The following VRK3 variants were observed in gnomAD, a reference collection of about 807,000 sequenced individuals.
The protein encoded by VRK3 is VRK serine/threonine kinase 3, also known as serine/threonine-protein kinase VRK3.
A neutral mutation model predicts 60.4 loss-of-function variants in VRK3; 50 were observed. That is an observed-to-expected ratio of 0.83 (90% CI 0.66 to 1.05). The LOEUF (loss-of-function observed/expected upper bound fraction) is 1.05, where lower values mean the gene tolerates loss of function less well. VRK3 is among the 50% of genes least tolerant of loss of function. The probability of loss-of-function intolerance (pLI) is 0.00; values close to 1 mark genes in which losing one functional copy is unlikely to be tolerated. For missense variants in VRK3, 549 were observed against 585.3 expected, an observed-to-expected ratio of 0.94 and a Z score of 0.64; for synonymous variants, 246 against 227.8, an observed-to-expected ratio of 1.08 and a Z score of -0.72.
intron 8 of VRK3, 86 bp downstream of exon 8, chr19:49,995,105 G>A: frequency 2.0e-6 from 3 of 1,469,706 alleles, no homozygotes; most frequent in Non-Finnish European, 2.8e-6. Flanking sequence ...CTGGCCCACG[G>A]CTTCGGGGTC....
intron 5 of VRK3, among the ~76,000 whole-genome samples, chr19:50,002,618 G>A (rs1395848095): frequency 6.6e-6 from 1 of 152,224 alleles, no homozygotes; most frequent in Non-Finnish European, 1.5e-5. Flanking sequence ...ATTATAAAAA[G>A]CTTTTCTCTT....
chr19:50,016,085 C>G lies in VRK3; in HGVS notation c.78G>C (p.Leu26Phe). The change falls in exon 3 of 15, where the codon TTG becomes TTC. Residue 26 changes from leucine (L) to phenylalanine (F), a missense_variant. Coordinates refer to ENST00000316763, the MANE Select transcript of VRK3 (RefSeq NM_016440.4). ...GGGACCCTACATGCTCCTCTACAGG[C>G]AAAGAATTTCCACAGTAGGGGCAGA... is the stretch of plus-strand genomic sequence containing the variant. Reference protein sequence around the residue: ...FKFCPYCGNSLPVEEHVGSQT... With the variant: ...FKFCPYCGNSFPVEEHVGSQT... 1 of 1,614,200 alleles carries G rather than the reference C, an allele frequency of 6.2e-7. No homozygotes were observed. The highest frequency in any genetic ancestry group is 1.1e-5 in the South Asian group (1 of 91,078).
At chr19:49,985,851 T>A (rs993228674) in intron 12 of VRK3, among the ~76,000 whole-genome samples, 2 of 152,168 alleles carry the variant, frequency 1.3e-5, no homozygotes, top group African/African-American at 2.4e-5. Flanking sequence ...AAGCAGCACG[T>A]AGGTGACATG....
intron 11 of VRK3, 74 bp from the exon 12 acceptor site, chr19:49,988,566 T>TC: frequency 6.5e-7 from 1 of 1,546,448 alleles, no homozygotes; most frequent in South Asian, 1.2e-5. Context: ...CCCCCTTCCT[T>TC]CCCCTCTCTC....
chr19:50,007,683 C>T lies in VRK3; in HGVS notation c.433G>A (p.Val145Met). ...QSPQTLKRSR[V>M]TTSLEALPTG... The stretch of plus-strand genomic sequence containing the variant: ...GGCAAAGCTTCAAGTGAGGTGGTCA[C>T]TCGGCTCCGCTTCAGCGTCTGAGGG... Residue 145 changes from valine to methionine, a missense_variant, in exon 5 of 15, where the codon GTG (valine) becomes ATG (methionine). Physicochemically the swap from Val to Met is conservative, Grantham distance 21. Coordinates refer to ENST00000316763, the MANE Select transcript of VRK3 (RefSeq NM_016440.4). 6.2e-7 allele frequency: 1 copy of T among 1,614,162 alleles called. No homozygotes were observed. Among genetic ancestry groups the T allele is most frequent in the Non-Finnish European group, 8.5e-7 (1 of 1,180,032 alleles).
intron 12 of VRK3, among the ~76,000 whole-genome samples, chr19:49,981,416 G>A (rs918016436): frequency 6.6e-6 from 1 of 152,080 alleles, no homozygotes; most frequent in Non-Finnish European, 1.5e-5. Flanking sequence ...GTGGTGGCGG[G>A]TGCCTGTGGT....
At chr19:49,981,170 T>C in intron 12 of VRK3, 157 bp from the exon 13 acceptor site, 1 of 696,892 alleles carries the variant, frequency 1.4e-6, no homozygotes, top group Non-Finnish European at 2.5e-6. Context: ...GAACACTGAA[T>C]CAACCAATCC....
intron 1 of VRK3, among the ~76,000 whole-genome samples, chr19:50,021,316 G>A (rs2077167624): frequency 6.6e-6 from 1 of 152,104 alleles, no homozygotes. Context: ...TTTGGATCTC[G>A]GCAGAGCTGT....
chr19:49,981,246 G>A (rs936314988), intron 12 of VRK3: 8 of 562,060 alleles, frequency 1.4e-5, no homozygotes, highest in African/African-American at 3.8e-5. Flanking sequence ...GATTTTCCCC[G>A]ATCAATACAC....
chr19:50,020,003 T>C (rs762769353), intron 2 of VRK3, among the ~76,000 whole-genome samples: 3 of 151,666 alleles, frequency 2.0e-5, no homozygotes, highest in Admixed American at 6.6e-5. Context: ...CAGTGTCCCA[T>C]GTAGCTGGGA....
At chr19:50,002,615 A>G (rs1380829224) in intron 5 of VRK3, among the ~76,000 whole-genome samples, 8 of 152,198 alleles carry the variant, frequency 5.3e-5, no homozygotes, top group Non-Finnish European at 1.2e-4. Context: ...CAGATTATAA[A>G]AAGCTTTTCT....
intron 12 of VRK3, among the ~76,000 whole-genome samples, chr19:49,983,380 T>G (rs1050240582): frequency 4.6e-5 from 7 of 152,210 alleles, no homozygotes; most frequent in African/African-American, 1.7e-4. Flanking sequence ...CCAAGAAGTC[T>G]TCCCCAGACC....
chr19:49,977,924 GAC>G (rs1463556247), intron 14 of VRK3, among the ~76,000 whole-genome samples: 3 of 152,152 alleles, frequency 2.0e-5, no homozygotes, highest in African/African-American at 4.8e-5. Context: ...CGAATCGCTT[GAC>G]ACACACGTGT....
chr19:50,007,451 T>G, intron 5 of VRK3, 118 bp downstream of exon 5: 1 of 1,483,954 alleles, frequency 6.7e-7, no homozygotes, highest in Non-Finnish European at 9.1e-7. Flanking sequence ...GAAAGTTGCC[T>G]AGCGACAGGT....
rs2076433523 is a variant in VRK3, at chr19:49,982,066, T to TA, written c.1218-1054dup. The stretch of plus-strand genomic sequence containing the variant: ...CCCGGAGGCGGCTGCATAACGGAGA[T>TA]ATCTGGGTCAACCACACGGAGGAAC... On this transcript the variant is annotated intron_variant, in intron 12 of 14. Transcript: ENST00000316763. 7.2e-6 allele frequency: 5 copies of TA among 698,546 alleles called. No homozygotes were observed. In the African/African-American group the frequency reaches 8.8e-5, roughly 12 times the overall value. The allele number at this position is 698,546 out of a possible 1,614,324, so 43.3% of individuals were successfully genotyped here. A position where few individuals can be genotyped will look rare whatever the true frequency, so the allele number is the denominator to read the frequency against.
chr19:50,007,871 GAA>G (rs1383541440), intron 4 of VRK3, 45 bp from the exon 5 acceptor site: 10 of 1,607,188 alleles, frequency 6.2e-6, no homozygotes, highest in Non-Finnish European at 8.5e-6. Flanking sequence ...ATCCAGGAGA[GAA>G]AAGTTAGATG....
chr19:49,980,916 C>T (rs771468776), intron 13 of VRK3, 39 bp downstream of exon 13: 5 of 1,584,710 alleles, frequency 3.2e-6, no homozygotes. Flanking sequence ...CCAGGTCCTG[C>T]CCGAGTCCCC....
At chr19:50,003,241 G>C (rs969437105) in intron 5 of VRK3, among the ~76,000 whole-genome samples, 4 of 152,180 alleles carry the variant, frequency 2.6e-5, no homozygotes, top group African/African-American at 9.7e-5. Context: ...CCTCCAGAAG[G>C]AATCAGCAGA....
At position 49,988,381 on chromosome 19, in the gene VRK3, T is replaced by A; in HGVS notation, c.1208A>T (p.Gln403Leu). The change falls in exon 12 of 15, where the codon CAA becomes CTA. Residue 403 changes from glutamine (Q) to leucine (L), a missense_variant. By Grantham distance (113) the Gln-to-Leu change is moderately radical. Coordinates refer to ENST00000316763, the MANE Select transcript of VRK3 (RefSeq NM_016440.4). ...TGACCCCTAGACTCACTTCTGTTTT[T>A]GCTTCATGATGTCCTCAGTGTTGGG... is the stretch of plus-strand genomic sequence containing the variant. ...CLPNTEDIMK[Q>L]KQKFVDKPGP... 4 of 1,612,458 alleles carry A rather than the reference T, an allele frequency of 2.5e-6. No homozygotes were observed. The highest frequency in any genetic ancestry group is 3.4e-6 in the Non-Finnish European group (4 of 1,179,002).
Sources: gnomAD v4.1 joint callset for allele counts (sites outside exome capture counted in the v4.1 genomes callset) on GRCh38, gnomAD v4.1.1 for gene constraint, MANE v1.5 for transcripts, NCBI Gene and HGNC (gene_info 2026-07-23, HGNC 2026-07-21) for gene names.